Variants in ARHGAP26 observed in about 807,000 individuals in gnomAD.
The protein encoded by ARHGAP26 is Rho GTPase activating protein 26.
Under a neutral mutation model 104.8 loss-of-function variants are expected in ARHGAP26, and 38 were observed. That is an observed-to-expected ratio of 0.36 (90% CI 0.28 to 0.48). The LOEUF (loss-of-function observed/expected upper bound fraction) is 0.48, where lower values mean the gene tolerates loss of function less well. Among genes scored for constraint, ARHGAP26 ranks in the 20% least tolerant of loss-of-function variants. ARHGAP26 has a pLI of 0.99. For synonymous variants in ARHGAP26, 341 were observed against 340.0 expected, an observed-to-expected ratio of 1.00 and a Z score of -0.03; for missense variants, 704 against 947.9, an observed-to-expected ratio of 0.74 and a Z score of 3.38.
At chr5:143,175,561 G>A (rs1236522491) in intron 20 of ARHGAP26, among the ~76,000 whole-genome samples, 2 of 151,878 alleles carry the variant, frequency 1.3e-5, no homozygotes, top group South Asian at 2.1e-4. Flanking sequence ...AATGAAGAAT[G>A]TTGGATACCA....
intron 11 of ARHGAP26, among the ~76,000 whole-genome samples, chr5:142,938,467 TA>T (rs1765776566): frequency 6.6e-6 from 1 of 152,226 alleles, no homozygotes; most frequent in East Asian, 1.9e-4. Flanking sequence ...TCAGACTGCA[TA>T]AATACCACAG....
chr5:142,785,620 A>G (rs997073537), intron 1 of ARHGAP26, among the ~76,000 whole-genome samples: 2 of 152,194 alleles, frequency 1.3e-5, no homozygotes, highest in East Asian at 1.9e-4. Context: ...TGCCAGTACT[A>G]TCCTGATTTG....
chr5:143,222,077 A>T (rs1192411630), intron 22 of ARHGAP26, among the ~76,000 whole-genome samples: 1 of 152,192 alleles, frequency 6.6e-6, no homozygotes, highest in Non-Finnish European at 1.5e-5. Flanking sequence ...CTAAAATTGT[A>T]CACAAAATTT....
At chr5:142,976,455 A>G (rs1773103824) in intron 11 of ARHGAP26, among the ~76,000 whole-genome samples, 1 of 152,230 alleles carries the variant, frequency 6.6e-6, no homozygotes, top group African/African-American at 2.4e-5. Context: ...AAGTAGCCCA[A>G]GAGCAAGGCC....
At chr5:143,182,599 A>G (rs914661831) in intron 20 of ARHGAP26, among the ~76,000 whole-genome samples, 4 of 152,236 alleles carry the variant, frequency 2.6e-5, no homozygotes, top group Non-Finnish European at 4.4e-5. Context: ...AAACCCTGTC[A>G]TTAACATGGA....
intron 11 of ARHGAP26, among the ~76,000 whole-genome samples, chr5:142,971,957 A>G (rs746258678): frequency 3.3e-5 from 5 of 152,132 alleles, no homozygotes; most frequent in African/African-American, 4.8e-5. Context: ...CGAGGCGGGC[A>G]GATCAGTTGA....
intron 17 of ARHGAP26, among the ~76,000 whole-genome samples, chr5:143,060,738 C>T (rs183225725): frequency 3.6e-4 from 55 of 152,052 alleles, no homozygotes; most frequent in African/African-American, 1.2e-3. Context: ...CTCTGTGGGT[C>T]TACTCAGTCA....
intron 11 of ARHGAP26, among the ~76,000 whole-genome samples, chr5:142,985,277 TAAA>T (rs1432300821): frequency 3.3e-5 from 5 of 151,892 alleles, no homozygotes; most frequent in Non-Finnish European, 7.4e-5. Context: ...TAAAAAAAAT[TAAA>T]AAGGTTGTAA....
rs1325333835 is a variant in ARHGAP26, at chr5:142,770,404, T to TGTGAGAGGGCGCTCGAGGCTGCC, written c.-356_-334dup. On this transcript the variant is annotated 5_prime_UTR_variant, in exon 1 of 23. Coordinates refer to ENST00000645722, the MANE Select transcript of ARHGAP26 (RefSeq NM_001135608.3). ...ACACCGGCGGGGCGGCCGAGGCTGCTGTGAGAGGGCGCTCGAGGCTGCCGA... is the reference window on the plus strand; with the variant it reads ...ACACCGGCGGGGCGGCCGAGGCTGCTGTGAGAGGGCGCTCGAGGCTGCCGTGAGAGGGCGCTCGAGGCTGCCGA... The TGTGAGAGGGCGCTCGAGGCTGCC allele has an allele frequency of 2.1e-5, 4 of 191,162 alleles. No individual in the cohort carries two copies. Among genetic ancestry groups the TGTGAGAGGGCGCTCGAGGCTGCC allele is most frequent in the African/African-American group, 9.3e-5 (4 of 42,848 alleles). 11.8% of individuals were successfully genotyped at this position (191,162 alleles called of 1,614,324 possible). A position where few individuals can be genotyped will look rare whatever the true frequency, so the allele number is the denominator to read the frequency against.
At chr5:143,142,134 CT>C (rs762332039) in intron 19 of ARHGAP26, among the ~76,000 whole-genome samples, 3,913 of 105,232 alleles carry the variant, frequency 0.037, 49 homozygotes, top group Middle Eastern at 0.12. Flanking sequence ...CTACTTTTCA[CT>C]TTTTTTTTTT....
rs3776262 is a variant in ARHGAP26, at chr5:143,158,366, T to G, written c.1988+10985T>G. Among the ~76,000 whole-genome samples, 5 of 152,366 alleles carry G rather than the reference T, an allele frequency of 3.3e-5. No individual in the cohort carries two copies. In the East Asian group the frequency reaches 9.6e-4, roughly 29 times the overall value. On this transcript the variant is annotated intron_variant, in intron 20 of 22. Coordinates refer to ENST00000645722, the MANE Select transcript of ARHGAP26 (RefSeq NM_001135608.3). Reference sequence around the variant, plus strand: ...CTTCCAAGACAGGCATCGAACTGTTTACACAAAGAGCGTTGGTCAAAGCCC... The same window carrying G: ...CTTCCAAGACAGGCATCGAACTGTTGACACAAAGAGCGTTGGTCAAAGCCC...
chr5:143,016,693 ACT>A (rs1779633944), intron 12 of ARHGAP26, among the ~76,000 whole-genome samples: 1 of 94,626 alleles, frequency 1.1e-5, no homozygotes, highest in Non-Finnish European at 2.2e-5. Context: ...ATAGACTGAG[ACT>A]CTGTCTCAAA....
intron 5 of ARHGAP26, among the ~76,000 whole-genome samples, chr5:142,888,890 A>G (rs937414083): frequency 1.3e-5 from 2 of 152,224 alleles, no homozygotes; most frequent in African/African-American, 2.4e-5. Flanking sequence ...CAAGAAACGC[A>G]GAATGGTTGA....
At chr5:142,963,188 A>ACATATATATATATATATT (rs1334910204) in intron 11 of ARHGAP26, among the ~76,000 whole-genome samples, 1 of 109,782 alleles carries the variant, frequency 9.1e-6, no homozygotes, top group African/African-American at 5.1e-5. Flanking sequence ...ATATATATAT[A>ACATATATATATATATATT]TATATATATA....
rs10610584 is a variant in ARHGAP26, at chr5:143,168,445, C to CTTTTTTTTTTTTTTTTTTT, written c.1988+21077_1988+21095dup. 12 of 25,708 alleles carry CTTTTTTTTTTTTTTTTTTT rather than the reference C, an allele frequency of 4.7e-4. 2 individuals are homozygous for CTTTTTTTTTTTTTTTTTTT. The highest frequency in any genetic ancestry group is 6.9e-4 in the Non-Finnish European group (10 of 14,546). 1.6% of individuals were successfully genotyped at this position (25,708 alleles called of 1,614,324 possible). On this transcript the variant is annotated intron_variant, in intron 20 of 22. Transcript: ENST00000645722. ...CAAATAGACCTCACCATCTGGAACT[C>CTTTTTTTTTTTTTTTTTTT]TTTTTTTTTTTTTTTTTTTTTTTTT...
chr5:142,949,201 GAGAGAGAGA>G (rs1767787705), intron 11 of ARHGAP26, among the ~76,000 whole-genome samples: 1 of 15,244 alleles, frequency 6.6e-5, no homozygotes, highest in Non-Finnish European at 1.1e-4. Flanking sequence ...GAGAGAGAGA[GAGAGAGAGA>G]GAGAGAGAGA....
intron 20 of ARHGAP26, 74 bp from the exon 21 acceptor site, chr5:143,207,124 C>T: frequency 1.3e-6 from 2 of 1,548,750 alleles, no homozygotes; most frequent in Middle Eastern, 1.9e-4. Flanking sequence ...GTCATCTGGC[C>T]TCCCATGACC....
intron 11 of ARHGAP26, chr5:143,011,029 A>G (rs770581424): frequency 8.5e-5 from 13 of 152,214 alleles, no homozygotes; most frequent in Non-Finnish European, 1.8e-4. Context: ...ACTGTGACCC[A>G]TTTCACTCAC....
intron 11 of ARHGAP26, among the ~76,000 whole-genome samples, chr5:142,959,851 A>C (rs1769919285): frequency 6.6e-6 from 1 of 152,234 alleles, no homozygotes; most frequent in Non-Finnish European, 1.5e-5. Context: ...CTATTTTTAG[A>C]ATTCTGCCAG....
Sources: allele counts gnomAD v4.1 joint callset (sites outside exome capture counted in the v4.1 genomes callset), GRCh38; gene constraint gnomAD v4.1.1; transcripts MANE v1.5; gene names NCBI Gene and HGNC (gene_info 2026-07-23, HGNC 2026-07-21).